Variants in RNF212 observed in about 807,000 individuals in gnomAD.
The protein encoded by RNF212 is ring finger protein 212, also known as probable E3 SUMO-protein ligase RNF212.
In RNF212, 33 loss-of-function variants were observed where a neutral mutation model predicts 34.7. That is an observed-to-expected ratio of 0.95 (90% confidence interval 0.72 to 1.27). The LOEUF is 1.27. RNF212 is among the 50% of genes most tolerant of loss of function. The pLI is 0.00. For synonymous variants in RNF212, 140 were observed against 136.1 expected, an observed-to-expected ratio of 1.03 and a Z score of -0.20; for missense variants, 377 against 362.2, an observed-to-expected ratio of 1.04 and a Z score of -0.33.
rs148974956 is a variant in RNF212, at chr4:1,074,390, C to T, written c.511-728G>A. On this transcript the variant is annotated intron_variant, in intron 8 of 9. Transcript: ENST00000433731. Reference sequence around the variant, plus strand: ...CACCCCGCTGGTCCTCAGGCTCTGCCGCCATCAACTGTGCCCCGCCAAGAC... The same window carrying T: ...CACCCCGCTGGTCCTCAGGCTCTGCTGCCATCAACTGTGCCCCGCCAAGAC... Among the ~76,000 whole-genome samples, 12 of 152,298 alleles carry T rather than the reference C, an allele frequency of 7.9e-5. No individual in the cohort carries two copies. The East Asian group carries it at 1.9e-3, about 24-fold the overall frequency.
At chr4:1,105,962 G>A (rs1724751946) in intron 2 of RNF212, among the ~76,000 whole-genome samples, 1 of 152,228 alleles carries the variant, frequency 6.6e-6, no homozygotes, top group Admixed American at 6.5e-5. Context: ...TGGGGACCAC[G>A]AGGCGGCCAG....
downstream of RNF212, among the ~76,000 whole-genome samples, chr4:1,070,461 CGT>C (rs1560095252): frequency 1.3e-5 from 1 of 77,426 alleles, no homozygotes; most frequent in Non-Finnish European, 2.4e-5. Flanking sequence ...CGGGTGGTTT[CGT>C]AGGACTGTGC....
chr4:1,061,411 C>T (rs1163806296), intron 3 of RNF212, among the ~76,000 whole-genome samples: 1 of 152,180 alleles, frequency 6.6e-6, no homozygotes, highest in East Asian at 1.9e-4. Context: ...GGGCAGGGAC[C>T]AGTCAGAAAA....
At chr4:1,093,935 G>A (rs1229150268) in intron 3 of RNF212, 2 of 1,536,166 alleles carry the variant, frequency 1.3e-6, no homozygotes, top group Non-Finnish European at 1.7e-6. Context: ...GCTTCCATGG[G>A]TCGAGCCTCT....
At chr4:1,057,853 T>C (rs1047736898) in intron 4 of RNF212, among the ~76,000 whole-genome samples, 3 of 152,028 alleles carry the variant, frequency 2.0e-5, no homozygotes, top group Non-Finnish European at 1.5e-5. Context: ...TCACCTGAGG[T>C]CGGGAGTTCG....
chr4:1,057,631 T>A (rs1717422702), intron 4 of RNF212, among the ~76,000 whole-genome samples: 1 of 152,136 alleles, frequency 6.6e-6, no homozygotes, highest in Non-Finnish European at 1.5e-5. Context: ...AAACCAAACA[T>A]ATTTACTACC....
At chr4:1,074,366 A>G (rs1577649456) in intron 8 of RNF212, among the ~76,000 whole-genome samples, 1 of 151,558 alleles carries the variant, frequency 6.6e-6, no homozygotes, top group Admixed American at 6.6e-5. Flanking sequence ...TCCTTGCCTC[A>G]CCCCGCTGGT....
intron 8 of RNF212, among the ~76,000 whole-genome samples, chr4:1,078,189 T>G (rs1421469779): frequency 6.6e-6 from 1 of 152,064 alleles, no homozygotes; most frequent in Non-Finnish European, 1.5e-5. Flanking sequence ...AAGCAACACA[T>G]AAATCAAATA....
At chr4:1,088,142 G>A (rs1012586200) in intron 4 of RNF212, among the ~76,000 whole-genome samples, 1 of 152,210 alleles carries the variant, frequency 6.6e-6, no homozygotes, top group Non-Finnish European at 1.5e-5. Context: ...GTGTGAGAAA[G>A]TTTGGAACTT....
chr4:1,065,936 A>T lies in RNF212; in HGVS notation n.148-7543T>A, dbSNP rs1052981786. Among the ~76,000 whole-genome samples, 7 of 143,986 alleles carry T rather than the reference A, an allele frequency of 4.9e-5. 2 individuals are homozygous for T. The highest frequency in any genetic ancestry group is 4.8e-5 in the Non-Finnish European group (3 of 63,036). The allele number at this position is 143,986 out of a possible 152,430, so 94.5% of individuals were successfully genotyped here. On this transcript the variant is annotated intron_variant and non_coding_transcript_variant, in intron 3 of 4. Coordinates refer to the RNF212 transcript ENST00000503206. ...CTGTCGTCCAGGCTGGAGTGCAGTG[A>T]TGCAATCATAGTTCACTGCAGCCTT... is the stretch of plus-strand genomic sequence containing the variant.
intron 2 of RNF212, chr4:1,100,091 A>G (rs1723726150): frequency 2.9e-6 from 1 of 346,394 alleles, no homozygotes; most frequent in South Asian, 2.2e-5. Flanking sequence ...AGGCTTACAC[A>G]GGACTTCCTT....
chr4:1,059,535 A>C (rs1159061269), intron 3 of RNF212, among the ~76,000 whole-genome samples: 2 of 53,964 alleles, frequency 3.7e-5, no homozygotes, highest in Non-Finnish European at 7.7e-5. Flanking sequence ...AGCCAACCCC[A>C]AGCCTGGGCG....
intron 3 of RNF212, chr4:1,093,830 T>C: frequency 1.3e-6 from 2 of 1,536,222 alleles, no homozygotes; most frequent in South Asian, 2.4e-5. Flanking sequence ...GGTGTTTCCC[T>C]GGGCCTCTGG....
At chr4:1,083,202 C>T (rs1241832738) in intron 5 of RNF212, among the ~76,000 whole-genome samples, 1 of 152,086 alleles carries the variant, frequency 6.6e-6, no homozygotes, top group South Asian at 2.1e-4. Flanking sequence ...ATTTGGATTC[C>T]TGAGGATATC....
intron 3 of RNF212, among the ~76,000 whole-genome samples, chr4:1,095,289 T>C (rs374876807): frequency 2.4e-3 from 123 of 50,974 alleles, no homozygotes; most frequent in Non-Finnish European, 3.5e-3. Flanking sequence ...CACAGCTCCA[T>C]GGTCTCGGGA....
intron 2 of RNF212, chr4:1,100,337 G>C (rs1331757922): frequency 5.8e-6 from 1 of 171,348 alleles, no homozygotes; most frequent in Non-Finnish European, 1.3e-5. Flanking sequence ...TTTTCACACA[G>C]TGCACAGCTT....
chr4:1,073,424 C>G (rs951382623), intron 9 of RNF212, among the ~76,000 whole-genome samples, 175 bp downstream of exon 9: 1 of 152,078 alleles, frequency 6.6e-6, no homozygotes, highest in Non-Finnish European at 1.5e-5. Context: ...GAGCTTCTCC[C>G]TGGAAGGACT....
At chr4:1,090,651 G>A (rs1722044384) in intron 4 of RNF212, 131 bp downstream of exon 4, 2 of 674,586 alleles carry the variant, frequency 3.0e-6, no homozygotes, top group African/African-American at 1.8e-5. Flanking sequence ...CCCCATAGCT[G>A]GAAACACACA....
rs1718509380 is a variant in RNF212, at chr4:1,071,676, G to C, written c.*1198C>G. 1 of 152,226 alleles carries C rather than the reference G, an allele frequency of 6.6e-6. No homozygotes were observed. The highest frequency in any genetic ancestry group is 2.4e-5 in the African/African-American group (1 of 41,444). The allele number at this position is 152,226 out of a possible 1,614,324, so 9.4% of individuals were successfully genotyped here. ...TGCAGATGAAAAATCAGCATAAGAT[G>C]CTCCTAGTCATATGTTATCAATGAA... On this transcript the variant is annotated 3_prime_UTR_variant, in exon 10 of 10. Transcript: ENST00000433731.
Sources: gnomAD v4.1 joint callset for allele counts (sites outside exome capture counted in the v4.1 genomes callset) on GRCh38, gnomAD v4.1.1 for gene constraint, MANE v1.5 for transcripts, NCBI Gene and HGNC (gene_info 2026-07-23, HGNC 2026-07-21) for gene names.